The following TOX2 variants were observed in gnomAD, a reference collection of about 807,000 sequenced individuals.
The protein encoded by TOX2 is TOX high mobility group box family member 2, also known as granulosa cell HMG box 1.
Under a neutral mutation model 47.4 loss-of-function variants are expected in TOX2, and 15 were observed. The observed-to-expected ratio is 0.32, with a 90% CI of 0.21 to 0.49. The LOEUF (loss-of-function observed/expected upper bound fraction) is 0.49. Among genes scored for constraint, TOX2 ranks in the 20% least tolerant of loss-of-function variants. The probability of loss-of-function intolerance (pLI) is 0.99; values close to 1 mark genes in which losing one functional copy is unlikely to be tolerated. For synonymous variants in TOX2, 290 were observed against 296.6 expected (o/e 0.98, Z 0.23); for missense variants, 622 against 673.1 (o/e 0.92, Z 0.84).
At chr20:44,008,559 CAA>C (rs11353562) in intron 3 of TOX2, among the ~76,000 whole-genome samples, 22 of 149,214 alleles carry the variant, frequency 1.5e-4, no homozygotes, top group African/African-American at 3.7e-4. Flanking sequence ...GACCCTGTCT[CAA>C]AAAAAAAAAA....
Position 44,067,141 on chromosome 20 carries a change from C to G in TOX2, c.1484+284C>G, listed in dbSNP as rs139322510. Among the ~76,000 whole-genome samples the G allele has an allele frequency of 1.7e-3, 257 of 152,306 alleles. 3 individuals are homozygous for G. The highest frequency in any genetic ancestry group is 5.9e-3 in the African/African-American group (247 of 41,562). ...TTCACAAGTGCTTCCACGTGACATT[C>G]ACAGATGAGTCCTGCATCTTAGGCC... On this transcript the variant is annotated intron_variant, in intron 8 of 8. Transcript: ENST00000341197.
Position 43,969,974 on chromosome 20 carries a change from C to G in TOX2, c.100-3393C>G, listed in dbSNP as rs73118281. ...GTGTCGGAGACCAGGCCCCCTTGCC[C>G]TACATCTCCAGTACCATTCCCACTG... is the stretch of plus-strand genomic sequence containing the variant. On this transcript the variant is annotated intron_variant, in intron 1 of 8. Coordinates refer to ENST00000341197, the MANE Select transcript of TOX2 (RefSeq NM_001098797.2). Among the ~76,000 whole-genome samples, 1,385 of 152,328 alleles carry G rather than the reference C, an allele frequency of 9.1e-3. 11 individuals are homozygous for G. Among genetic ancestry groups the G allele is most frequent in the Middle Eastern group, 0.024 (7 of 294 alleles).
intron 3 of TOX2, among the ~76,000 whole-genome samples, chr20:44,009,545 TA>T (rs2070745671): frequency 6.6e-6 from 1 of 152,234 alleles, no homozygotes; most frequent in South Asian, 2.1e-4. Flanking sequence ...GGAATGGTTT[TA>T]ACCCATTTAT....
chr20:43,923,212 T>C (rs6031236), intron 1 of TOX2, among the ~76,000 whole-genome samples: 4,169 of 152,216 alleles, frequency 0.027, 127 homozygotes, highest in African/African-American at 0.075. Flanking sequence ...CACCCCAGCC[T>C]GTGGGGCTTT....
chr20:43,947,056 C>T (rs2069486156), intron 1 of TOX2, among the ~76,000 whole-genome samples: 1 of 152,228 alleles, frequency 6.6e-6, no homozygotes, highest in African/African-American at 2.4e-5. Flanking sequence ...TCTACCTTCT[C>T]CACTCTGGGT....
chr20:44,067,833 C>A (rs1600809715), intron 8 of TOX2, among the ~76,000 whole-genome samples: 1 of 152,166 alleles, frequency 6.6e-6, no homozygotes, highest in South Asian at 2.1e-4. Flanking sequence ...AAAAATGAGT[C>A]CCGCAGCCAC....
chr20:43,958,803 C>T (rs187864910), intron 1 of TOX2, among the ~76,000 whole-genome samples: 7 of 152,358 alleles, frequency 4.6e-5, no homozygotes, highest in Admixed American at 2.6e-4. Context: ...TTGCCAATAA[C>T]GGTGGGCCAT....
intron 1 of TOX2, among the ~76,000 whole-genome samples, chr20:43,967,568 T>C (rs537794942): frequency 3.0e-4 from 45 of 152,218 alleles, no homozygotes; most frequent in African/African-American, 7.9e-4. Context: ...ACTCTTCCCA[T>C]ACACTTGTCT....
chr20:44,018,583 T>C (rs921423170), intron 3 of TOX2, among the ~76,000 whole-genome samples: 1 of 152,152 alleles, frequency 6.6e-6, no homozygotes, highest in Non-Finnish European at 1.5e-5. Flanking sequence ...TTGAGATTTA[T>C]TGGAGTCATT....
At chr20:43,996,242 T>C (rs1382496357) in intron 2 of TOX2, among the ~76,000 whole-genome samples, 1 of 152,240 alleles carries the variant, frequency 6.6e-6, no homozygotes, top group Non-Finnish European at 1.5e-5. Flanking sequence ...ATGGTTTTGA[T>C]TTGCATTTCT....
intron 1 of TOX2, among the ~76,000 whole-genome samples, chr20:43,922,059 G>T (rs570435233): frequency 2.0e-5 from 3 of 152,276 alleles, no homozygotes; most frequent in South Asian, 4.1e-4. Context: ...CACTGGCTTG[G>T]GCAGGTGACC....
At chr20:43,942,508 T>C (rs1261366007) in intron 1 of TOX2, among the ~76,000 whole-genome samples, 1 of 152,096 alleles carries the variant, frequency 6.6e-6, no homozygotes, top group Non-Finnish European at 1.5e-5. Context: ...TGAGACCCTA[T>C]TTTTACAAAA....
At chr20:44,013,484 CAG>C (rs2145624817) in intron 3 of TOX2, among the ~76,000 whole-genome samples, 1 of 152,348 alleles carries the variant, frequency 6.6e-6, no homozygotes, top group East Asian at 1.9e-4. Context: ...TTCTGAAACA[CAG>C]GGGGCAGTAG....
intron 1 of TOX2, among the ~76,000 whole-genome samples, chr20:43,928,857 G>A (rs6093894): frequency 0.086 from 13,074 of 151,928 alleles, 1,298 homozygotes; most frequent in African/African-American, 0.24. Flanking sequence ...CAGTGGGGCC[G>A]GGCGTGGTGG....
At chr20:44,012,741 C>G (rs1383123435) in intron 3 of TOX2, among the ~76,000 whole-genome samples, 1 of 152,188 alleles carries the variant, frequency 6.6e-6, no homozygotes, top group African/African-American at 2.4e-5. Flanking sequence ...CAGTGACATA[C>G]TAGACAAGTA....
At chr20:43,921,069 T>C (rs1160635592) in intron 1 of TOX2, among the ~76,000 whole-genome samples, 1 of 152,198 alleles carries the variant, frequency 6.6e-6, no homozygotes, top group Non-Finnish European at 1.5e-5. Flanking sequence ...CTGAAGACTT[T>C]GTGGGGCACA....
intron 1 of TOX2, among the ~76,000 whole-genome samples, chr20:43,933,285 C>T (rs904798459): frequency 6.6e-6 from 1 of 152,224 alleles, no homozygotes; most frequent in Non-Finnish European, 1.5e-5. Context: ...ATTAGCAATA[C>T]GATTGCCATG....
intron 1 of TOX2, among the ~76,000 whole-genome samples, chr20:43,952,683 A>G (rs1457868804): frequency 6.6e-6 from 1 of 152,190 alleles, no homozygotes; most frequent in East Asian, 1.9e-4. Context: ...GTAGTGTCCT[A>G]TGTGCCAGGA....
At chr20:43,950,471 C>T (rs2069543464) in intron 1 of TOX2, among the ~76,000 whole-genome samples, 1 of 152,170 alleles carries the variant, frequency 6.6e-6, no homozygotes, top group South Asian at 2.1e-4. Context: ...AGTTGCCTCT[C>T]TGGCCTCCCC....
Sources: allele counts gnomAD v4.1 joint callset (sites outside exome capture counted in the v4.1 genomes callset), GRCh38; gene constraint gnomAD v4.1.1; transcripts MANE v1.5; gene names NCBI Gene and HGNC (gene_info 2026-07-23, HGNC 2026-07-21).